CD58: variants seen among roughly 807,000 people sequenced by gnomAD.
CD58 encodes CD58 molecule, also known as lymphocyte function-associated antigen 3.
A neutral mutation model predicts 27.6 loss-of-function variants in CD58; 14 were observed. The observed-to-expected ratio is 0.51, with a 90% CI of 0.34 to 0.79. The LOEUF (loss-of-function observed/expected upper bound fraction) is 0.79. Among genes scored for constraint, CD58 ranks in the 30% least tolerant of loss-of-function variants. The pLI is 0.02. For synonymous variants in CD58, 117 were observed against 103.8 expected, an observed-to-expected ratio of 1.13 and a Z score of -0.77; for missense variants, 268 against 301.7, an observed-to-expected ratio of 0.89 and a Z score of 0.83.
Position 116,567,115 on chromosome 1 carries a change from G to A in CD58, c.70+3788C>T, listed in dbSNP as rs762170282. Reference sequence around the variant, plus strand: ...TAATTGTGTCACTATACTCTAGCCTGGGCAACAGAGTGAGACTGTGTCTCA... The same window carrying A: ...TAATTGTGTCACTATACTCTAGCCTAGGCAACAGAGTGAGACTGTGTCTCA... On this transcript the variant is annotated intron_variant, in intron 1 of 5. Transcript: ENST00000369489. 5.3e-5 allele frequency among the ~76,000 whole-genome samples: 8 copies of A among 150,526 alleles called. No individual in the cohort carries two copies. In the South Asian group the frequency reaches 1.3e-3, roughly 24 times the overall value.
At chr1:116,518,783 C>T (rs1387915756) in intron 5 of CD58, 1 of 1,006,064 alleles carries the variant, frequency 9.9e-7, no homozygotes, top group Non-Finnish European at 1.2e-6. Context: ...AGCTCTGACC[C>T]TGGCTCCTGA....
At position 116,538,689 on chromosome 1, in the gene CD58, T is replaced by A. The variant is rs1657897733; in HGVS notation, c.365-2461A>T. On this transcript the variant is annotated intron_variant, in intron 2 of 5. Transcript: ENST00000369489. The surrounding 1 kb of genome is among the most constrained non-coding windows in gnomAD (Gnocchi z 4.7). ...CAATGTCTAGTCTTTCATCCAGCAC[T>A]TTCTGAACTGAACAGAGGTGCATCA... Among the ~76,000 whole-genome samples, 1 of 152,204 alleles carries A rather than the reference T, an allele frequency of 6.6e-6. No individual in the cohort carries two copies. The highest frequency in any genetic ancestry group is 1.5e-5 in the Non-Finnish European group (1 of 68,034).
chr1:116,570,949 C>T lies in CD58; in HGVS notation c.24G>A (p.Gly8=), dbSNP rs1043834796. 1 of 1,564,706 alleles carries T rather than the reference C, an allele frequency of 6.4e-7. No homozygotes were observed. The change falls in exon 1 of 6, where the codon GGG becomes GGA. Residue 8 remains glycine, a synonymous_variant. Coordinates refer to ENST00000369489, the MANE Select transcript of CD58 (RefSeq NM_001779.3). The surrounding 1 kb of genome is among the most constrained non-coding windows in gnomAD (Gnocchi z 6.4). MVAGSDA[G]RALGVLSVVC... Reference sequence around the variant, plus strand: ...CCACGCTGAGGACCCCCAGGGCCCGCCCCGCGTCGCTCCCAGCAACCATGG... The same window carrying T: ...CCACGCTGAGGACCCCCAGGGCCCGTCCCGCGTCGCTCCCAGCAACCATGG...
In CD58 at chr1:116,552,379, T is replaced by C. The variant is rs1432641361; in HGVS notation, c.71-7775A>G. ...TCACAGATCACCATAACAGATATGA[T>C]AATGAAAAAGCGTTAAATATTGTGG... On this transcript the variant is annotated intron_variant, in intron 1 of 5. Transcript: ENST00000369489. This position sits in a 1 kb window ranked among gnomAD's most constrained non-coding sequence, Gnocchi z 4.5. Among the ~76,000 whole-genome samples, 1 of 152,188 alleles carries C rather than the reference T, an allele frequency of 6.6e-6. No individual in the cohort carries two copies. Among genetic ancestry groups the C allele is most frequent in the African/African-American group, 2.4e-5 (1 of 41,448 alleles).
intron 1 of CD58, among the ~76,000 whole-genome samples, chr1:116,567,812 A>G (rs1243323807): frequency 6.6e-6 from 1 of 152,184 alleles, no homozygotes; most frequent in Non-Finnish European, 1.5e-5. Flanking sequence ...ACAATGGAGA[A>G]ATCTGGTAAA....
chr1:116,562,222 CA>C (rs1658779521), intron 1 of CD58, among the ~76,000 whole-genome samples: 1 of 151,952 alleles, frequency 6.6e-6, no homozygotes, highest in South Asian at 2.1e-4. Context: ...CTTCTGCATA[CA>C]AGGAACTTAA....
chr1:116,559,404 G>C lies in CD58; in HGVS notation c.70+11499C>G, dbSNP rs1215326345. On this transcript the variant is annotated intron_variant, in intron 1 of 5. Transcript: ENST00000369489. This position sits in a 1 kb window ranked among gnomAD's most constrained non-coding sequence, Gnocchi z 4.4. The stretch of plus-strand genomic sequence containing the variant: ...TCAGCTAGCAAGGGGCAGAGCTGGT[G>C]TCCAGACACAGGCAGTCGGCCCCAG... Among the ~76,000 whole-genome samples the C allele has an allele frequency of 6.6e-6, 1 of 152,214 alleles. No individual in the cohort carries two copies. Among genetic ancestry groups the C allele is most frequent in the Non-Finnish European group, 1.5e-5 (1 of 68,038 alleles).
intron 1 of CD58, among the ~76,000 whole-genome samples, chr1:116,561,944 C>T (rs1175660406): frequency 6.6e-6 from 1 of 152,196 alleles, no homozygotes; most frequent in Non-Finnish European, 1.5e-5. Flanking sequence ...TTATTACTTA[C>T]ACTCTGTTAT....
chr1:116,523,589 T>C lies in CD58; in HGVS notation c.629-1606A>G, dbSNP rs142152485. Among the ~76,000 whole-genome samples, 473 of 152,318 alleles carry C rather than the reference T, an allele frequency of 3.1e-3. 1 individual carries two copies. Among genetic ancestry groups the C allele is most frequent in the African/African-American group, 8.5e-3 (354 of 41,570 alleles). On this transcript the variant is annotated intron_variant, in intron 3 of 5. Transcript: ENST00000369489. This position sits in a 1 kb window ranked among gnomAD's most constrained non-coding sequence, Gnocchi z 4.4. ...TTTAGTAGCAAAATTCAGATATTCCTTGGCAATAATACTCCCCAAGTAGTG... is the reference window on the plus strand; with the variant it reads ...TTTAGTAGCAAAATTCAGATATTCCCTGGCAATAATACTCCCCAAGTAGTG...
chr1:116,545,587 T>C (rs374388519), intron 1 of CD58, among the ~76,000 whole-genome samples: 2 of 152,094 alleles, frequency 1.3e-5, no homozygotes, highest in African/African-American at 4.8e-5. Context: ...TTAACTGAGA[T>C]CAGAAACAAT....
rs1657332149 is a variant in CD58 at position 116,523,470 on chromosome 1, G to A, written c.629-1487C>T. ...CACTTTCCTTTTATTAGGAACACAGGTGTGTTGGAGCAAATAGGCAGTCAC... is the reference window on the plus strand; with the variant it reads ...CACTTTCCTTTTATTAGGAACACAGATGTGTTGGAGCAAATAGGCAGTCAC... On this transcript the variant is annotated intron_variant, in intron 3 of 5. Transcript: ENST00000369489. This position sits in a 1 kb window ranked among gnomAD's most constrained non-coding sequence, Gnocchi z 4.4. Among the ~76,000 whole-genome samples, 1 of 152,148 alleles carries A rather than the reference G, an allele frequency of 6.6e-6. No homozygotes were observed. The highest frequency in any genetic ancestry group is 6.6e-5 in the Admixed American group (1 of 15,260).
At position 116,550,069 on chromosome 1, in the gene CD58, A is replaced by T. The variant is rs945265136; in HGVS notation, c.71-5465T>A. 3.3e-5 allele frequency among the ~76,000 whole-genome samples: 5 copies of T among 152,268 alleles called. No homozygotes were observed. The highest frequency in any genetic ancestry group is 3.4e-3 in the Middle Eastern group (1 of 294). On this transcript the variant is annotated intron_variant, in intron 1 of 5. Coordinates refer to ENST00000369489, the MANE Select transcript of CD58 (RefSeq NM_001779.3). This position sits in a 1 kb window ranked among gnomAD's most constrained non-coding sequence, Gnocchi z 4.2. ...CTAACAATCATTTGAGCCTTCAGCA[A>T]GTCCTAATATTTTTGCTGGTGAAAG...
intron 1 of CD58, among the ~76,000 whole-genome samples, chr1:116,560,988 A>G (rs1272074766): frequency 6.6e-6 from 1 of 152,182 alleles, no homozygotes; most frequent in Non-Finnish European, 1.5e-5. Context: ...CCCTCAAGTA[A>G]AGCTTCAAAA....
chr1:116,550,417 G>A lies in CD58; in HGVS notation c.71-5813C>T, dbSNP rs1247724898. Among the ~76,000 whole-genome samples the A allele has an allele frequency of 1.3e-5, 2 of 152,134 alleles. No homozygotes were observed. Among genetic ancestry groups the A allele is most frequent in the Non-Finnish European group, 2.9e-5 (2 of 68,020 alleles). On this transcript the variant is annotated intron_variant, in intron 1 of 5. Coordinates refer to ENST00000369489, the MANE Select transcript of CD58 (RefSeq NM_001779.3). The surrounding 1 kb of genome is among the most constrained non-coding windows in gnomAD (Gnocchi z 4.2). ...ACCAGGAGTATAGATGCCATCTGAA[G>A]AAACCACTTTCTTTGCTCATCCATA...
At chr1:116,543,037 T>C (rs1658043113) in intron 2 of CD58, among the ~76,000 whole-genome samples, 1 of 152,172 alleles carries the variant, frequency 6.6e-6, no homozygotes, top group East Asian at 1.9e-4. Flanking sequence ...ATTAGAGAAA[T>C]TAAAAGTGCA....
In CD58 at chr1:116,515,450, G is replaced by C. The variant is rs12029774; in HGVS notation, c.744-628C>G. Among the ~76,000 whole-genome samples the C allele has an allele frequency of 5.3e-5, 8 of 152,356 alleles. No homozygotes were observed. The East Asian group carries it at 1.3e-3, about 26-fold the overall frequency. On this transcript the variant is annotated intron_variant, in intron 5 of 5. Transcript: ENST00000369489. The surrounding 1 kb of genome is among the most constrained non-coding windows in gnomAD (Gnocchi z 4.6). ...GAATTCATGAGAAATTAGTGCTGTG[G>C]TCACAGGGGTGAGGTAAAGGACAGC...
Position 116,519,586 on chromosome 1 carries a change from A to G in CD58, c.707-319T>C, listed in dbSNP as rs895175637. 8.5e-5 allele frequency among the ~76,000 whole-genome samples: 13 copies of G among 152,218 alleles called. No homozygotes were observed. Among genetic ancestry groups the G allele is most frequent in the African/African-American group, 3.1e-4 (13 of 41,460 alleles). On this transcript the variant is annotated intron_variant, in intron 4 of 5. Coordinates refer to ENST00000369489, the MANE Select transcript of CD58 (RefSeq NM_001779.3). This position sits in a 1 kb window ranked among gnomAD's most constrained non-coding sequence, Gnocchi z 4.7. ...TGGACCAGTGCTGTCCAATAGAAAT[A>G]TAATGCAAGCCACATAAGTAATTTA...
rs1165563813 is a variant in CD58 at position 116,546,638 on chromosome 1, C to G, written c.71-2034G>C. Among the ~76,000 whole-genome samples the G allele has an allele frequency of 6.6e-6, 1 of 152,186 alleles. No homozygotes were observed. The highest frequency in any genetic ancestry group is 2.4e-5 in the African/African-American group (1 of 41,442). ...TAGGTATGAGATAAACTGCCATACC[C>G]TGGCGGCATGAAGATGTCTTTTGTC... On this transcript the variant is annotated intron_variant, in intron 1 of 5. Transcript: ENST00000369489. The surrounding 1 kb of genome is among the most constrained non-coding windows in gnomAD (Gnocchi z 4.1).
intron 3 of CD58, among the ~76,000 whole-genome samples, chr1:116,535,313 C>A (rs1180253702): frequency 6.6e-6 from 1 of 152,204 alleles, no homozygotes; most frequent in African/African-American, 2.4e-5. Flanking sequence ...CAGATAGCCT[C>A]TACTCAAAGC....
Sources: gnomAD v4.1 joint callset for allele counts (sites outside exome capture counted in the v4.1 genomes callset) on GRCh38, gnomAD v4.1.1 for gene constraint, Gnocchi (gnomAD v3.1) non-coding constraint, MANE v1.5 for transcripts, NCBI Gene and HGNC (gene_info 2026-07-23, HGNC 2026-07-21) for gene names.